The following XKR3 variants were observed in gnomAD, a reference collection of about 807,000 sequenced individuals.
XKR3 encodes the protein XK-related protein 3.
In XKR3, 27 loss-of-function variants were observed where a neutral mutation model predicts 40.3. The observed-to-expected ratio is 0.67, with a 90% CI of 0.49 to 0.92. The LOEUF is 0.92. Ranked by LOEUF, XKR3 falls within the 40% of genes least tolerant of loss-of-function variation. The pLI is 0.00. For synonymous variants in XKR3, 193 were observed against 195.4 expected, an observed-to-expected ratio of 0.99 and a Z score of 0.10; for missense variants, 472 against 537.6, an observed-to-expected ratio of 0.88 and a Z score of 1.21.
chr22:16,803,939 A>G (rs1349478723), intron 2 of XKR3, among the ~76,000 whole-genome samples: 1 of 152,076 alleles, frequency 6.6e-6, no homozygotes, highest in Non-Finnish European at 1.5e-5. Flanking sequence ...CTTGCCCTGA[A>G]TTTTTTCTTG....
chr22:16,822,393 TAA>T lies in XKR3; in HGVS notation c.-11+2896_-11+2897del, dbSNP rs2060260631. Among the ~76,000 whole-genome samples, 4 of 24,526 alleles carry T rather than the reference TAA, an allele frequency of 1.6e-4. No individual in the cohort carries two copies. In the South Asian group the frequency reaches 3.4e-3, roughly 21 times the overall value. The allele number at this position is 24,526 out of a possible 152,430, so 16.1% of individuals were successfully genotyped here. A position where few individuals can be genotyped will look rare whatever the true frequency, so the allele number is the denominator to read the frequency against. ...AGGCCATAATAGGAAATTAAAAAAATAAATAAATAATAGAAAAGAAGACAGAT... is the reference window on the plus strand; with the variant it reads ...AGGCCATAATAGGAAATTAAAAAAATATAAATAATAGAAAAGAAGACAGAT... On this transcript the variant is annotated intron_variant, in intron 1 of 3. Transcript: ENST00000684488.
At chr22:16,821,067 AGAGTT>A (rs1382119830) in intron 1 of XKR3, among the ~76,000 whole-genome samples, 1 of 152,214 alleles carries the variant, frequency 6.6e-6, no homozygotes, top group Non-Finnish European at 1.5e-5. Context: ...CAAAGATGTT[AGAGTT>A]AAGTCTTCAA....
At chr22:16,792,011 G>A (rs1289555525) in intron 3 of XKR3, among the ~76,000 whole-genome samples, 1 of 151,720 alleles carries the variant, frequency 6.6e-6, no homozygotes, top group Non-Finnish European at 1.5e-5. Context: ...GCACTATCTC[G>A]GCTCATTGCA....
intron 3 of XKR3, among the ~76,000 whole-genome samples, chr22:16,785,886 T>C (rs1216680082): frequency 1.3e-5 from 2 of 151,834 alleles, no homozygotes; most frequent in East Asian, 3.9e-4. Context: ...CAAAAAACAC[T>C]CTTCATACAC....
chr22:16,792,261 T>C (rs1210046359), intron 3 of XKR3, among the ~76,000 whole-genome samples: 3 of 152,170 alleles, frequency 2.0e-5, no homozygotes, highest in African/African-American at 7.2e-5. Context: ...TGACACAATT[T>C]TCATATGTTT....
At chr22:16,786,517 A>G (rs2060091533) in intron 3 of XKR3, among the ~76,000 whole-genome samples, 1 of 152,166 alleles carries the variant, frequency 6.6e-6, no homozygotes, top group Non-Finnish European at 1.5e-5. Flanking sequence ...TCCAGTCAAC[A>G]TTCCTACTGG....
chr22:16,786,795 A>T (rs115067168), intron 3 of XKR3, among the ~76,000 whole-genome samples: 6,000 of 152,230 alleles, frequency 0.039, 303 homozygotes, highest in African/African-American at 0.11. Flanking sequence ...AACAGAGCCC[A>T]GACATGAACA....
chr22:16,809,365 G>A (rs755819470), intron 1 of XKR3, among the ~76,000 whole-genome samples: 9 of 150,344 alleles, frequency 6.0e-5, no homozygotes, highest in East Asian at 1.9e-4. Flanking sequence ...TCTCCTCTTC[G>A]GTGCTCTGAT....
At chr22:16,806,878 A>G (rs1371462322) in intron 2 of XKR3, among the ~76,000 whole-genome samples, 4 of 152,204 alleles carry the variant, frequency 2.6e-5, no homozygotes, top group African/African-American at 9.6e-5. Flanking sequence ...AATAAAGAAA[A>G]CACACCAAAA....
chr22:16,816,384 G>GA (rs2060233537), intron 1 of XKR3, among the ~76,000 whole-genome samples: 1 of 148,426 alleles, frequency 6.7e-6, no homozygotes, highest in Admixed American at 6.7e-5. Flanking sequence ...TCATTTTTTT[G>GA]AAAAAATATT....
chr22:16,787,995 C>T (rs1350453901), intron 3 of XKR3, among the ~76,000 whole-genome samples: 4 of 152,124 alleles, frequency 2.6e-5, no homozygotes, highest in African/African-American at 9.7e-5. Flanking sequence ...ATGGACAAAA[C>T]AGTTACAGAA....
rs1408529745 is a variant in XKR3, at chr22:16,783,841, G to A, written c.1158C>T (p.Tyr386=). The part of the protein sequence containing the change: ...SLIAVQLIIS[Y]LLATGFMLLF... ...GGAGCATAAAGCCAGTGGCCAATAG[G>A]TAGCTTATGATGAGCTGCACGGCAA... Residue 386 remains tyrosine (Y), a synonymous_variant, in exon 4 of 4, where the codon TAC becomes TAT. Transcript: ENST00000684488. The A allele has an allele frequency of 3.7e-6, 6 of 1,614,158 alleles. No homozygotes were observed. The highest frequency in any genetic ancestry group is 5.1e-6 in the Non-Finnish European group (6 of 1,180,032).
chr22:16,785,917 C>CA (rs1433556443), intron 3 of XKR3, among the ~76,000 whole-genome samples: 4 of 151,740 alleles, frequency 2.6e-5, no homozygotes, highest in Admixed American at 1.3e-4. Context: ...AGCCAGAAAA[C>CA]AAAAAAAGGC....
chr22:16,794,681 C>T (rs1402653111), intron 3 of XKR3, among the ~76,000 whole-genome samples: 2 of 152,160 alleles, frequency 1.3e-5, no homozygotes, highest in East Asian at 1.9e-4. Flanking sequence ...AACCAGCTAA[C>T]AACATAACAG....
chr22:16,799,196 G>A (rs903508587), intron 3 of XKR3, among the ~76,000 whole-genome samples: 4 of 151,548 alleles, frequency 2.6e-5, no homozygotes, highest in African/African-American at 9.7e-5. Context: ...GGTGGATCAC[G>A]AGGTCAGGAG....
intron 3 of XKR3, among the ~76,000 whole-genome samples, chr22:16,785,244 G>A (rs1463412573): frequency 1.3e-5 from 2 of 152,078 alleles, no homozygotes; most frequent in Admixed American, 6.6e-5. Context: ...ATGAACCCGG[G>A]AGGCGGAGCT....
chr22:16,815,890 T>A (rs1483459103), intron 1 of XKR3, among the ~76,000 whole-genome samples: 1 of 151,934 alleles, frequency 6.6e-6, no homozygotes, highest in African/African-American at 2.4e-5. Flanking sequence ...TCTTTAAAAT[T>A]TTTTCACATT....
intron 1 of XKR3, among the ~76,000 whole-genome samples, chr22:16,824,356 A>G (rs1420422734): frequency 1.3e-5 from 2 of 152,218 alleles, no homozygotes; most frequent in East Asian, 1.9e-4. Flanking sequence ...AAATTTTAAG[A>G]AAGAAAGGAT....
At chr22:16,796,517 G>A (rs202018641) in intron 3 of XKR3, among the ~76,000 whole-genome samples, 1,599 of 152,268 alleles carry the variant, frequency 0.011, 63 homozygotes, top group Admixed American at 0.072. Flanking sequence ...CACAATCACA[G>A]TAGGCTTTCT....
Sources: gnomAD v4.1 joint callset for allele counts (sites outside exome capture counted in the v4.1 genomes callset) on GRCh38, gnomAD v4.1.1 for gene constraint, MANE v1.5 for transcripts, NCBI Gene and HGNC (gene_info 2026-07-23, HGNC 2026-07-21) for gene names.